SYNE2: variants seen among roughly 807,000 people sequenced by gnomAD.
The protein encoded by SYNE2 is spectrin repeat containing nuclear envelope protein 2, also known as nesprin-2.
A neutral mutation model predicts 856.3 loss-of-function variants in SYNE2; 431 were observed. That is an observed-to-expected ratio of 0.50 (90% CI 0.47 to 0.55). The LOEUF (loss-of-function observed/expected upper bound fraction) is 0.55, where lower values mean the gene tolerates loss of function less well. Ranked by LOEUF, SYNE2 falls within the 20% of genes least tolerant of loss-of-function variation. The pLI is 0.00. For synonymous variants in SYNE2, 2,923 were observed against 2,872.3 expected (o/e 1.02, Z -0.56); for missense variants, 8,129 against 8,023.2 (o/e 1.01, Z -0.50).
chr14:64,030,114 T>A, intron 44 of SYNE2, 55 bp downstream of exon 44: 1 of 1,553,492 alleles, frequency 6.4e-7, no homozygotes, highest in Non-Finnish European at 8.9e-7. Flanking sequence ...TCAGTGTTAA[T>A]TACAGTGTGA....
Position 63,890,087 on chromosome 14 carries a change from C to T in SYNE2, c.-51-19011C>T, listed in dbSNP as rs149524045. ...TTTTTTTTTTTTTGAGATAGGGTCTCGCTCTGTCACCTCGGCTGTATGGAG... is the reference window on the plus strand; with the variant it reads ...TTTTTTTTTTTTTGAGATAGGGTCTTGCTCTGTCACCTCGGCTGTATGGAG... On this transcript the variant is annotated intron_variant, in intron 1 of 115. Coordinates refer to ENST00000555002, the MANE Select transcript of SYNE2 (RefSeq NM_182914.3). 1.7e-3 allele frequency among the ~76,000 whole-genome samples: 244 copies of T among 141,362 alleles called. 1 individual carries two copies. The highest frequency in any genetic ancestry group is 6.0e-3 in the African/African-American group (226 of 37,790). The allele number at this position is 141,362 out of a possible 152,430, so 92.7% of individuals were successfully genotyped here.
rs570676476 is a variant in SYNE2, at chr14:63,940,429, G to C, written c.80-185G>C. On this transcript the variant is annotated intron_variant, in intron 2 of 115. Coordinates refer to ENST00000555002, the MANE Select transcript of SYNE2 (RefSeq NM_182914.3). ...AAACCCATGGTTTTAAAAAAATATC[G>C]TATCAACATGGTTTTTCTAAAACAC... Among the ~76,000 whole-genome samples the C allele has an allele frequency of 2.0e-5, 3 of 151,452 alleles. No individual in the cohort carries two copies. The South Asian group carries it at 6.4e-4, about 32-fold the overall frequency.
rs1386474611 is a variant in SYNE2, at chr14:64,025,126, A to G, written c.5961-4A>G. ...AAACTTTAAGTGGTATTTGGAATTT[A>G]CAGGGAACAGTTTGAATCTGTGGCC... On this transcript the variant is annotated splice_polypyrimidine_tract_variant and splice_region_variant and intron_variant, in intron 40 of 115. Transcript: ENST00000555002. 1 of 1,614,004 alleles carries G rather than the reference A, an allele frequency of 6.2e-7. No homozygotes were observed.
chr14:64,143,130 A>G (rs1244467368), intron 82 of SYNE2, among the ~76,000 whole-genome samples: 1 of 152,234 alleles, frequency 6.6e-6, no homozygotes, highest in African/African-American at 2.4e-5. Flanking sequence ...GGCTCTAGCA[A>G]CCTAGCACAT....
intron 43 of SYNE2, among the ~76,000 whole-genome samples, chr14:64,028,727 G>A (rs2097003124): frequency 6.6e-6 from 1 of 152,152 alleles, no homozygotes; most frequent in African/African-American, 2.4e-5. Context: ...AGGTAACAGT[G>A]TCAATATTAT....
chr14:64,002,925 C>G lies in SYNE2; in HGVS notation c.3992C>G (p.Ser1331Cys), dbSNP rs1488701746. 3 of 1,614,194 alleles carry G rather than the reference C, an allele frequency of 1.9e-6. No homozygotes were observed. Among genetic ancestry groups the G allele is most frequent in the Admixed American group, 1.7e-5 (1 of 60,020 alleles). Reference sequence around the variant, plus strand: ...AAAGCTCTGGAAGACTTTTTGGCGTCTCTCAGAACAGCTAAACTCTCTGCT... The same window carrying G: ...AAAGCTCTGGAAGACTTTTTGGCGTGTCTCAGAACAGCTAAACTCTCTGCT... ...TLKALEDFLA[S>C]LRTAKLSAEP... The change falls in exon 30 of 116, where the codon TCT becomes TGT. Residue 1331 changes from serine (S) to cysteine (C), a missense_variant. By Grantham distance (112) the Ser-to-Cys change is moderately radical. Transcript: ENST00000555002.
At position 64,122,383 on chromosome 14, in the gene SYNE2, T is replaced by C; in HGVS notation, c.13378T>C (p.Ser4460Pro). 5.0e-6 allele frequency: 8 copies of C among 1,614,194 alleles called. No homozygotes were observed. Among genetic ancestry groups the C allele is most frequent in the Non-Finnish European group, 6.8e-6 (8 of 1,180,040 alleles). ...DKWQYLHHELSSKIKLPLPQL... is the reference protein window; with the variant it reads ...DKWQYLHHELPSKIKLPLPQL... The stretch of plus-strand genomic sequence containing the variant: ...GTGGCAATATCTGCATCATGAACTC[T>C]CATCAAAAATAAAGCTCCCACTCCC... The change falls in exon 70 of 116, where the codon TCA becomes CCA. Residue 4460 changes from serine (S) to proline (P), a missense_variant. Ser to Pro is a moderately conservative substitution (Grantham distance 74, BLOSUM62 -1). Transcript: ENST00000555002.
intron 45 of SYNE2, among the ~76,000 whole-genome samples, chr14:64,041,953 T>A (rs1384623696): frequency 6.6e-6 from 1 of 152,152 alleles, no homozygotes; most frequent in Non-Finnish European, 1.5e-5. Context: ...TAACTATCTA[T>A]TGAGAATCAA....
intron 64 of SYNE2, among the ~76,000 whole-genome samples, chr14:64,102,776 T>G (rs1368102131): frequency 6.6e-6 from 1 of 152,132 alleles, no homozygotes; most frequent in Admixed American, 6.5e-5. Flanking sequence ...TGAAATTTTG[T>G]GTCCTTTGAC....
chr14:63,869,412 A>G (rs1896269332), intron 1 of SYNE2, among the ~76,000 whole-genome samples: 1 of 152,054 alleles, frequency 6.6e-6, no homozygotes, highest in Non-Finnish European at 1.5e-5. Flanking sequence ...TCCTGAAGTC[A>G]GGAGTTTGAG....
intron 2 of SYNE2, among the ~76,000 whole-genome samples, chr14:63,916,903 G>A (rs1279661477): frequency 6.6e-6 from 1 of 151,912 alleles, no homozygotes; most frequent in African/African-American, 2.4e-5. Context: ...GGGCAATGTA[G>A]TGAGACCCCT....
rs79335661 is a variant in SYNE2 at position 64,174,938 on chromosome 14, T to G, written c.17236-6T>G. On this transcript the variant is annotated splice_region_variant and splice_polypyrimidine_tract_variant and intron_variant, in intron 94 of 115. Coordinates refer to ENST00000555002, the MANE Select transcript of SYNE2 (RefSeq NM_182914.3). The stretch of plus-strand genomic sequence containing the variant: ...CTAAGCAAATTACTTCTCTTTTTTT[T>G]CTTAGAATAAAGAAATTCATTTTCA... The G allele has an allele frequency of 2.5e-6, 4 of 1,613,660 alleles. No homozygotes were observed. The Admixed American group carries it at 6.7e-5, about 27-fold the overall frequency.
Position 64,163,606 on chromosome 14 carries a change from T to G in SYNE2, c.16479+25T>G, listed in dbSNP as rs767857935. 7 of 1,613,220 alleles carry G rather than the reference T, an allele frequency of 4.3e-6. No individual in the cohort carries two copies. In the African/African-American group the frequency reaches 9.3e-5, roughly 22 times the overall value. ...GGTTCATCTTTTCTTTCCATTCAAG[T>G]TTTAGTCTTAGACATTTGCATTCCA... On this transcript the variant is annotated intron_variant, in intron 89 of 115. Coordinates refer to ENST00000555002, the MANE Select transcript of SYNE2 (RefSeq NM_182914.3).
chr14:63,838,222 A>G (rs1247874538), intron 1 of SYNE2, among the ~76,000 whole-genome samples: 1 of 152,096 alleles, frequency 6.6e-6, no homozygotes, highest in Non-Finnish European at 1.5e-5. Context: ...TACAAAAATT[A>G]GCTGGGCATG....
chr14:64,216,265 G>A lies in SYNE2; in HGVS notation c.19420G>A (p.Gly6474Ser), dbSNP rs2098666000. ...KASSGKSISD[G>S]HSWHVPDSPS... is the part of the protein sequence containing the mutation. ...CGTTTCAGGTAAATCCATTTCGGAT[G>A]GCCACTCGTGGCATGTTCCCGACAG... The change falls in exon 108 of 116, where the codon GGC becomes AGC. Residue 6474 changes from glycine to serine, a missense_variant. Gly to Ser is a moderately conservative substitution (Grantham distance 56). Around this residue, in one of 3 missense-constraint regions of SYNE2, gnomAD observed 5,410 missense variants for 5,284.8 expected, o/e 1.02. Coordinates refer to ENST00000555002, the MANE Select transcript of SYNE2 (RefSeq NM_182914.3). 6.2e-7 allele frequency: 1 copy of A among 1,614,196 alleles called. No individual in the cohort carries two copies. Among genetic ancestry groups the A allele is most frequent in the Non-Finnish European group, 8.5e-7 (1 of 1,180,038 alleles).
rs572095474 is a variant in SYNE2 at position 64,204,990 on chromosome 14, C to T, written c.18201+2027C>T. Among the ~76,000 whole-genome samples the T allele has an allele frequency of 3.3e-5, 5 of 152,266 alleles. No individual in the cohort carries two copies. In the South Asian group the frequency reaches 1.0e-3, roughly 32 times the overall value. On this transcript the variant is annotated intron_variant, in intron 100 of 115. Coordinates refer to ENST00000555002, the MANE Select transcript of SYNE2 (RefSeq NM_182914.3). ...CACATGCGCCTTCTTCTGCCTTCAA[C>T]GCCGTCAACATTGCATCTCTCTGTG...
chr14:64,212,895 C>G lies in SYNE2; in HGVS notation c.18946C>G (p.Pro6316Ala), dbSNP rs752980736. Reference protein sequence around the residue: ...FGEQLIQKSEPLDAVLIEDEL... With the variant: ...FGEQLIQKSEALDAVLIEDEL... Reference sequence around the variant, plus strand: ...GGAGCAGCTGATTCAGAAGAGCGAGCCCCTGGATGCTGTGCTGATTGAGGA... The same window carrying G: ...GGAGCAGCTGATTCAGAAGAGCGAGGCCCTGGATGCTGTGCTGATTGAGGA... Residue 6316 changes from proline to alanine, a missense_variant, in exon 105 of 116, where the codon CCC becomes GCC. Transcript: ENST00000555002. 1.9e-6 allele frequency: 3 copies of G among 1,614,168 alleles called. No homozygotes were observed. In the Admixed American group the frequency reaches 5.0e-5, roughly 27 times the overall value.
intron 1 of SYNE2, among the ~76,000 whole-genome samples, chr14:63,892,983 C>G (rs2095170385): frequency 1.3e-5 from 2 of 151,686 alleles, no homozygotes; most frequent in African/African-American, 2.4e-5. Context: ...AGAGTAAAAA[C>G]AAAACATAAT....
intron 2 of SYNE2, among the ~76,000 whole-genome samples, chr14:63,925,075 G>A (rs973806500): frequency 2.0e-5 from 3 of 152,042 alleles, no homozygotes; most frequent in Non-Finnish European, 4.4e-5. Context: ...GCTGAGGCTG[G>A]TGGATCGCTT....
Sources: gnomAD v4.1 joint callset for allele counts (sites outside exome capture counted in the v4.1 genomes callset) on GRCh38, gnomAD v4.1.1 for gene constraint, gnomAD v4.1.1 regional missense constraint, MANE v1.5 for transcripts, NCBI Gene and HGNC (gene_info 2026-07-23, HGNC 2026-07-21) for gene names.